Variants in NTM observed in about 807,000 individuals in gnomAD.
The protein encoded by NTM is neurotrimin.
A neutral mutation model predicts 42.1 loss-of-function variants in NTM; 13 were observed. The observed-to-expected ratio is 0.31, with a 90% CI of 0.20 to 0.49. The LOEUF is 0.49. NTM is among the 20% of genes least tolerant of loss of function. The pLI is 0.99. For missense variants in NTM, 373 were observed against 452.8 expected, an observed-to-expected ratio of 0.82 and a Z score of 1.60; for synonymous variants, 187 against 179.2, an observed-to-expected ratio of 1.04 and a Z score of -0.35.
intron 3 of NTM, among the ~76,000 whole-genome samples, chr11:132,205,999 G>T (rs1026562877): frequency 1.3e-5 from 2 of 152,038 alleles, no homozygotes; most frequent in Non-Finnish European, 2.9e-5. Flanking sequence ...ATTCCTGCTC[G>T]ACCCCATCTC....
chr11:131,796,866 G>A (rs1024718398), intron 1 of NTM, among the ~76,000 whole-genome samples: 5 of 152,112 alleles, frequency 3.3e-5, no homozygotes, highest in African/African-American at 2.4e-5. Flanking sequence ...TAGAGAGAGT[G>A]GCATTAACAA....
rs1181039673 is a variant in NTM, at chr11:131,370,827, A to G, written c.21A>G (p.Lys7=). ...AAATCATGAAAACCATCCAGCCAAA[A>G]ATGCACAATTCTATCTCTTGGGCAA... The part of the protein sequence containing the change: MKTIQP[K]MHNSISWAIF... The change falls in exon 1 of 9, where the codon AAA becomes AAG. Residue 7 remains lysine, a synonymous_variant. Coordinates refer to ENST00000683400, the MANE Select transcript of NTM (RefSeq NM_001352005.2). The G allele has an allele frequency of 6.2e-7, 1 of 1,613,910 alleles. No homozygotes were observed. The highest frequency in any genetic ancestry group is 2.2e-5 in the East Asian group (1 of 44,880).
chr11:131,495,008 A>G (rs1051986395), intron 1 of NTM, among the ~76,000 whole-genome samples: 3 of 152,212 alleles, frequency 2.0e-5, no homozygotes, highest in Non-Finnish European at 4.4e-5. Context: ...TTTCAAGGGT[A>G]TTTGGAGGAA....
intron 1 of NTM, among the ~76,000 whole-genome samples, chr11:131,594,001 G>T (rs759607663): frequency 1.3e-5 from 2 of 152,210 alleles, no homozygotes; most frequent in South Asian, 2.1e-4. Context: ...TCAGGTTGCT[G>T]CCCAGAGATT....
intron 7 of NTM, among the ~76,000 whole-genome samples, chr11:132,328,384 A>C (rs1385056329): frequency 1.3e-5 from 2 of 152,156 alleles, no homozygotes; most frequent in African/African-American, 4.8e-5. Context: ...ACCTATGTGG[A>C]CACTAAAAAG....
chr11:131,759,108 A>G (rs1287613119), intron 1 of NTM, among the ~76,000 whole-genome samples: 1 of 152,202 alleles, frequency 6.6e-6, no homozygotes, highest in African/African-American at 2.4e-5. Context: ...GAAAACCTTC[A>G]CACCTTTATG....
intron 1 of NTM, among the ~76,000 whole-genome samples, chr11:131,517,481 G>A (rs1016916448): frequency 1.2e-4 from 18 of 152,196 alleles, no homozygotes; most frequent in African/African-American, 4.1e-4. Context: ...GGAAAATGGG[G>A]GAGTAGAGGC....
chr11:131,474,092 A>G (rs953632989), intron 1 of NTM, among the ~76,000 whole-genome samples: 20 of 152,246 alleles, frequency 1.3e-4, no homozygotes, highest in African/African-American at 3.4e-4. Flanking sequence ...GTCAACTGCA[A>G]TCTGGCCCCT....
chr11:131,466,883 A>C (rs775682831), intron 1 of NTM, among the ~76,000 whole-genome samples: 6 of 152,142 alleles, frequency 3.9e-5, no homozygotes, highest in Admixed American at 6.5e-5. Context: ...TCACTCGGTC[A>C]CACTTTCACA....
chr11:132,216,585 A>G (rs1339976046), intron 4 of NTM, among the ~76,000 whole-genome samples: 1 of 152,232 alleles, frequency 6.6e-6, no homozygotes, highest in Non-Finnish European at 1.5e-5. Flanking sequence ...AGGTGTTCAC[A>G]GAAATGTCCT....
chr11:131,442,183 T>C (rs1949676873), intron 1 of NTM, among the ~76,000 whole-genome samples: 2 of 152,218 alleles, frequency 1.3e-5, no homozygotes, highest in African/African-American at 2.4e-5. Context: ...ACATGTGGCA[T>C]GGGAACCCGT....
intron 1 of NTM, among the ~76,000 whole-genome samples, chr11:131,880,883 C>T (rs1332586996): frequency 6.6e-6 from 1 of 152,106 alleles, no homozygotes; most frequent in Non-Finnish European, 1.5e-5. Context: ...GTGCTAATCC[C>T]ATATGCAAAG....
intron 1 of NTM, among the ~76,000 whole-genome samples, chr11:131,485,231 G>A (rs1342768015): frequency 6.6e-6 from 1 of 152,182 alleles, no homozygotes; most frequent in African/African-American, 2.4e-5. Flanking sequence ...TAAGTAAAAT[G>A]CAAACCTATG....
chr11:131,862,109 G>A (rs980409839), intron 1 of NTM, among the ~76,000 whole-genome samples: 1 of 152,180 alleles, frequency 6.6e-6, no homozygotes, highest in African/African-American at 2.4e-5. Context: ...CAGAGCACGT[G>A]TGTTGCAAAG....
chr11:132,043,820 G>C (rs1163235626), intron 2 of NTM, among the ~76,000 whole-genome samples: 1 of 152,182 alleles, frequency 6.6e-6, no homozygotes, highest in Non-Finnish European at 1.5e-5. Context: ...AAAGAATACA[G>C]AGTTTTGGTG....
intron 2 of NTM, among the ~76,000 whole-genome samples, chr11:132,071,068 A>C (rs1328668470): frequency 1.4e-5 from 2 of 142,092 alleles, no homozygotes; most frequent in Admixed American, 1.4e-4. Flanking sequence ...TGACCGTCAC[A>C]GGTTAGTTAA....
intron 2 of NTM, among the ~76,000 whole-genome samples, chr11:131,982,967 G>T (rs146694248): frequency 2.6e-5 from 4 of 152,194 alleles, no homozygotes; most frequent in African/African-American, 9.6e-5. Context: ...GAGAGGAGGG[G>T]TCATTTCATT....
intron 3 of NTM, among the ~76,000 whole-genome samples, chr11:132,171,145 A>G (rs1018689264): frequency 6.6e-6 from 1 of 152,140 alleles, no homozygotes; most frequent in Non-Finnish European, 1.5e-5. Context: ...TGGTGTCTTC[A>G]CTTATCTCTT....
chr11:131,789,503 G>GA lies in NTM; in HGVS notation c.83-122059dup, dbSNP rs1190395593. The stretch of plus-strand genomic sequence containing the variant: ...GAAGAAGAAGAAGAGGAAAGAAGAA[G>GA]AAGAAGAAGAAGAAGAAGAAGAAGA... On this transcript the variant is annotated intron_variant, in intron 1 of 8. Transcript: ENST00000683400. 5.5e-3 allele frequency among the ~76,000 whole-genome samples: 46 copies of GA among 8,388 alleles called. 17 individuals are homozygous for GA. The highest frequency in any genetic ancestry group is 6.6e-3 in the African/African-American group (13 of 1,968). 5.5% of individuals were successfully genotyped at this position (8,388 alleles called of 152,430 possible).
Sources: gnomAD v4.1 joint callset for allele counts (sites outside exome capture counted in the v4.1 genomes callset) on GRCh38, gnomAD v4.1.1 for gene constraint, MANE v1.5 for transcripts, NCBI Gene and HGNC (gene_info 2026-07-23, HGNC 2026-07-21) for gene names.